The following SRGAP1 variants were observed in gnomAD, a reference collection of about 807,000 sequenced individuals.
SRGAP1 encodes SLIT-ROBO Rho GTPase-activating protein 1.
Under a neutral mutation model 121.9 loss-of-function variants are expected in SRGAP1, and 43 were observed. The ratio of observed to expected loss-of-function variants is 0.35; its 90% CI spans 0.28 to 0.46. The LOEUF (loss-of-function observed/expected upper bound fraction) is 0.46. SRGAP1 is among the 20% of genes least tolerant of loss of function. The pLI is 1.00. For missense variants in SRGAP1, 1,102 were observed against 1,350.9 expected (o/e 0.82, Z 2.89); for synonymous variants, 447 against 485.4 (o/e 0.92, Z 1.04).
intron 1 of SRGAP1, among the ~76,000 whole-genome samples, chr12:63,889,764 C>T (rs568623972): frequency 1.4e-4 from 22 of 152,098 alleles, no homozygotes; most frequent in East Asian, 1.4e-3. Flanking sequence ...AAAAATTAGC[C>T]GGGTGTGGTG....
intron 1 of SRGAP1, among the ~76,000 whole-genome samples, chr12:63,861,920 G>A (rs746549001): frequency 2.6e-5 from 4 of 152,220 alleles, no homozygotes; most frequent in Non-Finnish European, 5.9e-5. Context: ...TCAGGAGTTT[G>A]AGACCAGCCT....
At chr12:63,955,397 T>A (rs2032433133) in intron 1 of SRGAP1, among the ~76,000 whole-genome samples, 1 of 152,240 alleles carries the variant, frequency 6.6e-6, no homozygotes, top group Non-Finnish European at 1.5e-5. Context: ...TTATGCATTG[T>A]GGAGTGGCTA....
At chr12:64,075,393 G>A (rs1051478780) in intron 8 of SRGAP1, among the ~76,000 whole-genome samples, 12 of 152,168 alleles carry the variant, frequency 7.9e-5, no homozygotes, top group African/African-American at 1.4e-4. Context: ...GCCCTCTTGC[G>A]GTAAACCCAC....
At chr12:64,115,331 G>A (rs767289495) in intron 17 of SRGAP1, among the ~76,000 whole-genome samples, 8 of 152,198 alleles carry the variant, frequency 5.3e-5, no homozygotes, top group Non-Finnish European at 8.8e-5. Flanking sequence ...AAAGATGAAT[G>A]TATGTATCTA....
At chr12:64,051,104 T>A (rs2136518602) in intron 6 of SRGAP1, among the ~76,000 whole-genome samples, 1 of 152,300 alleles carries the variant, frequency 6.6e-6, no homozygotes, top group East Asian at 1.9e-4. Flanking sequence ...GTCTATTACC[T>A]CCTTATGTCA....
chr12:64,091,850 C>T (rs1020375277), intron 12 of SRGAP1: 12 of 1,509,146 alleles, frequency 8.0e-6, no homozygotes, highest in Non-Finnish European at 1.1e-5. Flanking sequence ...TGTGTTTACT[C>T]TTCGTCTTCT....
intron 1 of SRGAP1, among the ~76,000 whole-genome samples, chr12:63,944,258 G>A (rs2136353973): frequency 6.6e-6 from 1 of 152,310 alleles, no homozygotes; most frequent in East Asian, 1.9e-4. Context: ...GTCTTAGTCA[G>A]TTTGGGCTGC....
chr12:63,952,445 G>A (rs1376371093), intron 1 of SRGAP1, among the ~76,000 whole-genome samples: 4 of 152,170 alleles, frequency 2.6e-5, no homozygotes, highest in Admixed American at 6.5e-5. Flanking sequence ...GTGCCCAGGA[G>A]TTTGAGGCTG....
intron 6 of SRGAP1, among the ~76,000 whole-genome samples, chr12:64,048,825 C>CT (rs140236888): frequency 0.022 from 3,282 of 152,160 alleles, 58 homozygotes; most frequent in Non-Finnish European, 0.027. Flanking sequence ...CTATTTAGAT[C>CT]TTTTGCCTAT....
intron 3 of SRGAP1, among the ~76,000 whole-genome samples, chr12:64,004,143 A>G (rs753951878): frequency 2.0e-5 from 3 of 152,164 alleles, no homozygotes; most frequent in Non-Finnish European, 2.9e-5. Context: ...TGAGTCTTCC[A>G]TCCTAGTTTT....
At chr12:64,117,242 C>T (rs2036537164) in intron 18 of SRGAP1, among the ~76,000 whole-genome samples, 1 of 152,194 alleles carries the variant, frequency 6.6e-6, no homozygotes, top group Admixed American at 6.5e-5. Context: ...AGATAAAAGA[C>T]ATGGTTGATA....
At chr12:63,934,137 A>G (rs2031576748) in intron 1 of SRGAP1, among the ~76,000 whole-genome samples, 1 of 152,158 alleles carries the variant, frequency 6.6e-6, no homozygotes, top group South Asian at 2.1e-4. Context: ...GAAAAAAACA[A>G]GGAGACTCTT....
chr12:63,945,291 G>A (rs1303903656), intron 1 of SRGAP1, among the ~76,000 whole-genome samples: 2 of 150,812 alleles, frequency 1.3e-5, no homozygotes, highest in Admixed American at 1.3e-4. Context: ...AATACTTTAA[G>A]TTTTGGGATA....
At position 64,049,398 on chromosome 12, in the gene SRGAP1, A is replaced by G. The variant is rs556841534; in HGVS notation, c.801+5823A>G. 3.9e-5 allele frequency among the ~76,000 whole-genome samples: 6 copies of G among 152,354 alleles called. No individual in the cohort carries two copies. The South Asian group carries it at 1.2e-3, about 32-fold the overall frequency. On this transcript the variant is annotated intron_variant, in intron 6 of 21. Coordinates refer to ENST00000355086, the MANE Select transcript of SRGAP1 (RefSeq NM_020762.4). ...GGGATGCCTCAGGAAACTTACAATC[A>G]TGGTGGAAGGGAAAGCAAACACGTC...
At chr12:63,989,000 G>A (rs567554191) in intron 2 of SRGAP1, among the ~76,000 whole-genome samples, 6 of 152,012 alleles carry the variant, frequency 3.9e-5, no homozygotes, top group Admixed American at 3.3e-4. Flanking sequence ...TACTAGAGGC[G>A]GGGTTTCGCC....
intron 3 of SRGAP1, among the ~76,000 whole-genome samples, chr12:64,014,348 T>C (rs1411490207): frequency 6.6e-6 from 1 of 152,236 alleles, no homozygotes; most frequent in Non-Finnish European, 1.5e-5. Flanking sequence ...ACAGTCTGTC[T>C]GTGATGCCAG....
rs1458822792 is a variant in SRGAP1, at chr12:64,142,466, A to C, written c.3052A>C (p.Arg1018=). ...SLSPLHNVAL[R]SSEPQIRRST... ...CAGCCCTTTGCACAACGTTGCCCTC[A>C]GGAGCTCCGAGCCTCAGATTCGACG... The change falls in exon 22 of 22, where the codon AGG becomes CGG. Residue 1018 remains arginine, a synonymous_variant. Transcript: ENST00000355086. The C allele has an allele frequency of 1.2e-6, 2 of 1,614,014 alleles. No homozygotes were observed. Among genetic ancestry groups the C allele is most frequent in the Non-Finnish European group, 1.7e-6 (2 of 1,180,024 alleles).
intron 6 of SRGAP1, among the ~76,000 whole-genome samples, chr12:64,053,994 A>T (rs914582553): frequency 1.3e-5 from 2 of 152,176 alleles, no homozygotes; most frequent in African/African-American, 4.8e-5. Context: ...TTAAAATTGC[A>T]TTACTGATAA....
intron 1 of SRGAP1, among the ~76,000 whole-genome samples, chr12:63,943,982 A>G (rs992965417): frequency 1.3e-5 from 2 of 152,224 alleles, no homozygotes; most frequent in Admixed American, 1.3e-4. Flanking sequence ...AGATAAAGAT[A>G]TGTAGCCCTT....
Sources: allele counts gnomAD v4.1 joint callset (sites outside exome capture counted in the v4.1 genomes callset), GRCh38; gene constraint gnomAD v4.1.1; transcripts MANE v1.5; gene names NCBI Gene and HGNC (gene_info 2026-07-23, HGNC 2026-07-21).